PDE4D: variants seen among roughly 807,000 people sequenced by gnomAD.
PDE4D encodes phosphodiesterase 4D, also known as 3',5'-cyclic-AMP phosphodiesterase 4D.
In PDE4D, 24 loss-of-function variants were observed where a neutral mutation model predicts 87.4. That is an observed-to-expected ratio of 0.27 (90% confidence interval 0.20 to 0.39). The LOEUF is 0.39. Ranked by LOEUF, PDE4D falls within the 10% of genes least tolerant of loss-of-function variation. PDE4D has a pLI of 1.00. For missense variants in PDE4D, 714 were observed against 1,041.0 expected (o/e 0.69, Z 4.32); for synonymous variants, 384 against 383.2 (o/e 1.00, Z -0.02).
At chr5:59,579,709 C>A (rs2153699405) in intron 1 of PDE4D, among the ~76,000 whole-genome samples, 1 of 152,324 alleles carries the variant, frequency 6.6e-6, no homozygotes, top group South Asian at 2.1e-4. Flanking sequence ...CTATGCTCCA[C>A]ACACCAAGTG....
intron 2 of PDE4D, among the ~76,000 whole-genome samples, chr5:60,098,474 T>G (rs995353970): frequency 4.6e-5 from 7 of 151,978 alleles, no homozygotes; most frequent in Non-Finnish European, 1.0e-4. Flanking sequence ...CTTATAGTTT[T>G]CAGTGTACAG....
chr5:59,277,199 T>C (rs1764984095), intron 1 of PDE4D, among the ~76,000 whole-genome samples: 7 of 152,166 alleles, frequency 4.6e-5, no homozygotes, highest in Admixed American at 4.6e-4. Context: ...GGCTGCTTCT[T>C]ACAACAAACC....
chr5:59,034,216 G>A (rs1398827003), intron 6 of PDE4D, among the ~76,000 whole-genome samples: 1 of 151,932 alleles, frequency 6.6e-6, no homozygotes, highest in Non-Finnish European at 1.5e-5. Context: ...AGCAGATATC[G>A]AACTCAAAAC....
At chr5:59,309,465 C>G (rs1304808453) in intron 1 of PDE4D, among the ~76,000 whole-genome samples, 1 of 152,198 alleles carries the variant, frequency 6.6e-6, no homozygotes, top group Non-Finnish European at 1.5e-5. Context: ...GTATTTCACT[C>G]AGCTCTCCAC....
intron 1 of PDE4D, among the ~76,000 whole-genome samples, chr5:59,856,932 G>A (rs570551804): frequency 5.7e-4 from 86 of 151,884 alleles, no homozygotes; most frequent in South Asian, 4.6e-3. Context: ...CTTGGTAAAA[G>A]GCACTAGATA....
At chr5:59,506,132 C>G (rs1271355907) in intron 1 of PDE4D, among the ~76,000 whole-genome samples, 1 of 151,916 alleles carries the variant, frequency 6.6e-6, no homozygotes, top group African/African-American at 2.4e-5. Flanking sequence ...AGTAGTTTGT[C>G]TAGTTGTTAA....
Position 60,197,090 on chromosome 5 carries a change from T to C in PDE4D, c.-89-11403A>G, listed in dbSNP as rs1464895722. On this transcript the variant is annotated intron_variant, in intron 1 of 16. Coordinates refer to the PDE4D transcript ENST00000502484. ...ATAGATAGACAGTTAGATAGATAGA[T>C]AGATAGATAGATAGATAGATAGATA... 3.0e-3 allele frequency among the ~76,000 whole-genome samples: 336 copies of C among 112,326 alleles called. 5 individuals are homozygous for C. Among genetic ancestry groups the C allele is most frequent in the African/African-American group, 4.1e-3 (116 of 28,402 alleles). 73.7% of individuals were successfully genotyped at this position (112,326 alleles called of 152,430 possible). A position where few individuals can be genotyped will look rare whatever the true frequency, so the allele number is the denominator to read the frequency against.
chr5:59,934,086 C>G (rs1041761191), intron 3 of PDE4D, among the ~76,000 whole-genome samples: 6 of 152,066 alleles, frequency 3.9e-5, no homozygotes, highest in Admixed American at 6.5e-5. Context: ...CAGGCTCAAA[C>G]GATTCTCCTG....
chr5:60,302,819 G>T (rs752721905), intron 1 of PDE4D, among the ~76,000 whole-genome samples: 158 of 150,058 alleles, frequency 1.1e-3, no homozygotes, highest in Middle Eastern at 3.4e-3. Flanking sequence ...ATAAATTTTG[G>T]TTTTTTGTTT....
chr5:59,045,721 C>G (rs1198478631), intron 5 of PDE4D, among the ~76,000 whole-genome samples: 2 of 152,060 alleles, frequency 1.3e-5, no homozygotes, highest in Non-Finnish European at 2.9e-5. Flanking sequence ...ACTATATCTT[C>G]AAGAGTAGGA....
intron 2 of PDE4D, among the ~76,000 whole-genome samples, chr5:59,202,570 C>T (rs2153495629): frequency 6.6e-6 from 1 of 151,596 alleles, no homozygotes; most frequent in South Asian, 2.1e-4. Context: ...ATGGGGTTCT[C>T]ATCTTGAATT....
intron 1 of PDE4D, among the ~76,000 whole-genome samples, chr5:59,374,965 C>T (rs1310167561): frequency 6.6e-6 from 1 of 152,094 alleles, no homozygotes; most frequent in Middle Eastern, 3.2e-3. Context: ...AAGCAGAAAT[C>T]AATAAGGTTT....
chr5:59,231,654 C>T (rs918352994), intron 1 of PDE4D, among the ~76,000 whole-genome samples: 2 of 152,170 alleles, frequency 1.3e-5, no homozygotes, highest in East Asian at 1.9e-4. Context: ...CAACACAGTG[C>T]GTTCCATCAA....
chr5:60,452,626 G>A (rs532724117), intron 1 of PDE4D, among the ~76,000 whole-genome samples: 40 of 152,122 alleles, frequency 2.6e-4, no homozygotes, highest in East Asian at 7.7e-4. Context: ...GAAGCAAAAC[G>A]TAATAACTGC....
chr5:59,248,041 G>GCAAAA (rs1561805685), intron 1 of PDE4D, among the ~76,000 whole-genome samples: 1 of 47,854 alleles, frequency 2.1e-5, no homozygotes, highest in Admixed American at 3.0e-4. Flanking sequence ...GTATCTATTA[G>GCAAAA]TAAAAAAAAA....
At chr5:59,203,622 T>TACACACAC (rs145207501) in intron 2 of PDE4D, among the ~76,000 whole-genome samples, 68 of 150,120 alleles carry the variant, frequency 4.5e-4, no homozygotes, top group African/African-American at 1.6e-3. Context: ...GAAAATGTTA[T>TACACACAC]ATACACACAC....
chr5:59,969,001 CG>C (rs60453207), intron 3 of PDE4D, among the ~76,000 whole-genome samples: 38,540 of 139,404 alleles, frequency 0.28, 5,513 homozygotes, highest in Admixed American at 0.36. Flanking sequence ...ACCCCCCCCC[CG>C]AAAAAAAGAG....
chr5:59,903,637 T>C (rs1752518698), intron 3 of PDE4D, among the ~76,000 whole-genome samples: 1 of 152,178 alleles, frequency 6.6e-6, no homozygotes, highest in Admixed American at 6.5e-5. Context: ...GGCATTATTT[T>C]AGCTGGTTTT....
At chr5:59,735,794 G>A (rs1389822129) in intron 1 of PDE4D, among the ~76,000 whole-genome samples, 1 of 151,954 alleles carries the variant, frequency 6.6e-6, no homozygotes. Context: ...AGCCTCCTGA[G>A]TAACTGAGAT....
Sources: allele counts gnomAD v4.1 joint callset (sites outside exome capture counted in the v4.1 genomes callset), GRCh38; gene constraint gnomAD v4.1.1; transcripts MANE v1.5; gene names NCBI Gene and HGNC (gene_info 2026-07-23, HGNC 2026-07-21).